Variants in WDFY3 observed in about 807,000 individuals in gnomAD.
WDFY3 encodes WD repeat and FYVE domain-containing protein 3.
In WDFY3, 66 loss-of-function variants were observed where a neutral mutation model predicts 409.6. That is an observed-to-expected ratio of 0.16 (90% CI 0.13 to 0.20). The LOEUF is 0.20. Ranked by LOEUF, WDFY3 falls within the 10% of genes least tolerant of loss-of-function variation. WDFY3 has a pLI of 1.00. For missense variants in WDFY3, 3,031 were observed against 4,298.1 expected (o/e 0.71, Z 8.24); for synonymous variants, 1,521 against 1,537.1 (o/e 0.99, Z 0.25).
intron 53 of WDFY3, among the ~76,000 whole-genome samples, chr4:84,708,591 A>C (rs560251683): frequency 6.6e-6 from 1 of 151,284 alleles, no homozygotes; most frequent in Non-Finnish European, 1.5e-5. Context: ...CCCAGTCTGG[A>C]ATGCAGTGGT....
rs1740513359 is a variant in WDFY3 at position 84,751,518 on chromosome 4, T to C, written c.5938A>G (p.Ser1980Gly). The C allele has an allele frequency of 3.7e-6, 6 of 1,614,248 alleles. No homozygotes were observed. In the East Asian group the frequency reaches 8.9e-5, roughly 24 times the overall value. ...AGATCAATTAGTGGAGTTTGCTTGC[T>C]GGCAGGAGTGAGACAGAGGTTGTCT... ...IIDNLCLTPA[S>G]KQTPLIDLLL... The change falls in exon 36 of 68, where the codon AGC becomes GGC. Residue 1980 changes from serine to glycine, a missense_variant. Transcript: ENST00000295888.
chr4:84,923,964 A>G (rs1006469421), intron 2 of WDFY3, among the ~76,000 whole-genome samples: 8 of 152,276 alleles, frequency 5.3e-5, no homozygotes, highest in African/African-American at 1.2e-4. Flanking sequence ...TGTGAGTTAT[A>G]TATTATTTTC....
intron 4 of WDFY3, among the ~76,000 whole-genome samples, chr4:84,856,294 C>T (rs543432864): frequency 6.6e-6 from 1 of 152,230 alleles, no homozygotes; most frequent in East Asian, 1.9e-4. Flanking sequence ...GAGTTTCTTA[C>T]AAAAGATCTA....
chr4:84,774,015 C>T (rs954091045), intron 29 of WDFY3, among the ~76,000 whole-genome samples: 7 of 152,130 alleles, frequency 4.6e-5, no homozygotes, highest in Non-Finnish European at 8.8e-5. Flanking sequence ...CCACTGCACC[C>T]GGCCCCCCAG....
At chr4:84,953,163 C>T (rs1021092022) in intron 1 of WDFY3, among the ~76,000 whole-genome samples, 1 of 150,626 alleles carries the variant, frequency 6.6e-6, no homozygotes, top group Non-Finnish European at 1.5e-5. Flanking sequence ...GGATATTACA[C>T]TATGTGAAAT....
chr4:84,771,956 T>C (rs1023715647), intron 30 of WDFY3, among the ~76,000 whole-genome samples: 33 of 152,226 alleles, frequency 2.2e-4, no homozygotes, highest in African/African-American at 7.5e-4. Context: ...CCTTTGAAAA[T>C]TGTAATCACA....
intron 22 of WDFY3, among the ~76,000 whole-genome samples, chr4:84,788,625 T>TATC (rs1747940224): frequency 6.6e-6 from 1 of 152,322 alleles, no homozygotes; most frequent in African/African-American, 2.4e-5. Flanking sequence ...CACAATAAAA[T>TATC]ATCATCATCA....
intron 6 of WDFY3, 35 bp from the exon 7 acceptor site, chr4:84,837,125 G>A: frequency 7.0e-7 from 1 of 1,436,878 alleles, no homozygotes. Flanking sequence ...TGAATAGATA[G>A]ACACAACTAT....
At chr4:84,905,905 G>T (rs1180089897) in intron 2 of WDFY3, among the ~76,000 whole-genome samples, 1 of 152,116 alleles carries the variant, frequency 6.6e-6, no homozygotes, top group Non-Finnish European at 1.5e-5. Context: ...TCAGCTTCAA[G>T]GTCACCTCTC....
In WDFY3 at chr4:84,811,828, C is replaced by T. The variant is rs74539431; in HGVS notation, c.1888-1484G>A. Among the ~76,000 whole-genome samples the T allele has an allele frequency of 7.1e-3, 1,081 of 152,166 alleles. 11 individuals carry two copies. Among genetic ancestry groups the T allele is most frequent in the African/African-American group, 0.025 (1,028 of 41,500 alleles). ...AAAGTGTTTGGCACCAGAAAGGTTTCGGATTTTGGAATATTTGCACATATA... is the reference window on the plus strand; with the variant it reads ...AAAGTGTTTGGCACCAGAAAGGTTTTGGATTTTGGAATATTTGCACATATA... On this transcript the variant is annotated intron_variant, in intron 13 of 67. Transcript: ENST00000295888.
intron 4 of WDFY3, 21 bp downstream of exon 4, chr4:84,860,391 T>A (rs749871385): frequency 3.0e-5 from 48 of 1,600,212 alleles, no homozygotes; most frequent in South Asian, 5.6e-5. Context: ...GGAAGGTGTG[T>A]GTCTGGCAAC....
chr4:84,765,600 T>C (rs997087189), intron 32 of WDFY3, among the ~76,000 whole-genome samples: 1 of 152,226 alleles, frequency 6.6e-6, no homozygotes, highest in East Asian at 1.9e-4. Flanking sequence ...CCCTGAGTTT[T>C]CAAATCTTAG....
intron 44 of WDFY3, among the ~76,000 whole-genome samples, chr4:84,729,059 G>C (rs1736134896): frequency 6.6e-6 from 1 of 151,958 alleles, no homozygotes; most frequent in Admixed American, 6.6e-5. Context: ...CTCCTAGTTA[G>C]AAAAGGAACC....
At chr4:84,744,636 G>A (rs1157097541) in intron 36 of WDFY3, among the ~76,000 whole-genome samples, 1 of 151,522 alleles carries the variant, frequency 6.6e-6, no homozygotes, top group East Asian at 1.9e-4. Context: ...GGCGGATCAC[G>A]AGGTCAGGAG....
At chr4:84,770,206 T>A (rs1349377009) in intron 30 of WDFY3, among the ~76,000 whole-genome samples, 1 of 151,890 alleles carries the variant, frequency 6.6e-6, no homozygotes, top group Admixed American at 6.6e-5. Context: ...TTTTTTTGTA[T>A]TTTTAGTAGA....
chr4:84,943,563 C>T (rs142990155), intron 1 of WDFY3, among the ~76,000 whole-genome samples: 107 of 152,114 alleles, frequency 7.0e-4, no homozygotes, highest in African/African-American at 2.4e-3. Context: ...TATAAATCGA[C>T]GGTTTATGTT....
Position 84,829,279 on chromosome 4 carries a change from T to C in WDFY3, c.770-89A>G. 6 of 1,081,332 alleles carry C rather than the reference T, an allele frequency of 5.5e-6. No individual in the cohort carries two copies. In the East Asian group the frequency reaches 7.9e-5, roughly 14 times the overall value. 67.0% of individuals were successfully genotyped at this position (1,081,332 alleles called of 1,614,324 possible). Reference sequence around the variant, plus strand: ...TTGTTAACTGTTGTTTAATGAAACATTAAATTTTAACATATCTGTAAAATA... The same window carrying C: ...TTGTTAACTGTTGTTTAATGAAACACTAAATTTTAACATATCTGTAAAATA... On this transcript the variant is annotated intron_variant, in intron 8 of 67. Coordinates refer to ENST00000295888, the MANE Select transcript of WDFY3 (RefSeq NM_014991.6).
At position 84,772,740 on chromosome 4, in the gene WDFY3, T is replaced by A. The variant is rs557607917; in HGVS notation, c.4849+95A>T. On this transcript the variant is annotated intron_variant, in intron 30 of 67. Coordinates refer to ENST00000295888, the MANE Select transcript of WDFY3 (RefSeq NM_014991.6). Reference sequence around the variant, plus strand: ...AGAAAAGTTATACATATATTATATATAATCACATGTAATTCAGGTCTAATT... The same window carrying A: ...AGAAAAGTTATACATATATTATATAAAATCACATGTAATTCAGGTCTAATT... 9 of 936,640 alleles carry A rather than the reference T, an allele frequency of 9.6e-6. No individual in the cohort carries two copies. In the African/African-American group the frequency reaches 1.4e-4, roughly 14 times the overall value. The allele number at this position is 936,640 out of a possible 1,614,324, so 58.0% of individuals were successfully genotyped here.
At chr4:84,756,893 A>T in intron 33 of WDFY3, 33 bp downstream of exon 33, 1 of 1,592,796 alleles carries the variant, frequency 6.3e-7, no homozygotes. Flanking sequence ...TGGAATACGT[A>T]ATTTCACGCA....
Sources: allele counts gnomAD v4.1 joint callset (sites outside exome capture counted in the v4.1 genomes callset), GRCh38; gene constraint gnomAD v4.1.1; transcripts MANE v1.5; gene names NCBI Gene and HGNC (gene_info 2026-07-23, HGNC 2026-07-21).